The following ZNF12 variants were observed in gnomAD, a reference collection of about 807,000 sequenced individuals.
ZNF12 encodes the protein gonadotropin inducible transcription repressor 3.
In ZNF12, 34 loss-of-function variants were observed where a neutral mutation model predicts 66.6. The ratio of observed to expected loss-of-function variants is 0.51; its 90% confidence interval spans 0.39 to 0.68. ZNF12 has a LOEUF of 0.68. ZNF12 is among the 30% of genes least tolerant of loss of function. The pLI, the probability that ZNF12 is intolerant of heterozygous loss-of-function variation, is 0.00. For synonymous variants in ZNF12, 320 were observed against 278.9 expected (o/e 1.15, Z -1.47); for missense variants, 697 against 826.9 (o/e 0.84, Z 1.93).
intron 4 of ZNF12, among the ~76,000 whole-genome samples, chr7:6,695,123 G>C (rs911546716): frequency 2.0e-5 from 3 of 152,180 alleles, no homozygotes; most frequent in African/African-American, 4.8e-5. Context: ...CACCATATTG[G>C]CCAGGCTGGT....
rs1310984785 is a variant in ZNF12, at chr7:6,697,418, T to G, written c.159A>C (p.Lys53Asn). The change falls in exon 4 of 5, where the codon AAA becomes AAC. Residue 53 changes from lysine to asparagine, a missense_variant. Physicochemically the swap from Lys to Asn is moderately conservative, Grantham distance 94 (BLOSUM62 0). Transcript: ENST00000405858. The surrounding 1 kb of genome is among the most constrained non-coding windows in gnomAD (Gnocchi z 6.1). ...GCTCCAACTTGCTGATAACATCCGGTTTGATAATGTGATACCCTGTTAATG... is the reference window on the plus strand; with the variant it reads ...GCTCCAACTTGCTGATAACATCCGGGTTGATAATGTGATACCCTGTTAATG... ...NLVSVGYHII[K>N]PDVISKLEQG... is the part of the protein sequence containing the mutation. 6.2e-7 allele frequency: 1 copy of G among 1,612,206 alleles called. No individual in the cohort carries two copies. The highest frequency in any genetic ancestry group is 8.5e-7 in the Non-Finnish European group (1 of 1,179,186).
chr7:6,693,167 T>G (rs1263568256), intron 4 of ZNF12, among the ~76,000 whole-genome samples: 1 of 152,212 alleles, frequency 6.6e-6, no homozygotes, highest in East Asian at 1.9e-4. Context: ...CATCACTTCA[T>G]ACCAAGTTGA....
chr7:6,697,704 G>A lies in ZNF12; in HGVS notation c.123C>T (p.Tyr41=), dbSNP rs373887193. 11 of 1,614,180 alleles carry A rather than the reference G, an allele frequency of 6.8e-6. No homozygotes were observed. Among genetic ancestry groups the A allele is most frequent in the Admixed American group, 6.7e-5 (4 of 60,016 alleles). ...ITYRDVMLEN[Y]SNLVSVGYHI... is the part of the protein sequence containing the mutation. ...CCTCACCCACAGAAACTAGATTGCT[G>A]TAGTTCTCCAGCATCACATCCCTGT... The change falls in exon 3 of 5, where the codon TAC becomes TAT. Residue 41 remains tyrosine (Y), a synonymous_variant. Transcript: ENST00000405858. The surrounding 1 kb of genome is among the most constrained non-coding windows in gnomAD (Gnocchi z 6.1).
At chr7:6,701,714 C>A (rs1202075216) in intron 2 of ZNF12, among the ~76,000 whole-genome samples, 1 of 152,064 alleles carries the variant, frequency 6.6e-6, no homozygotes, top group Non-Finnish European at 1.5e-5. Flanking sequence ...TGTCTACCCT[C>A]TTCTCTAACC....
Position 6,698,544 on chromosome 7 carries a change from C to CA in ZNF12, c.16-734dup, listed in dbSNP as rs1176694296. Reference sequence around the variant, plus strand: ...AACCCACAATATTTGACACAATTACCAAAATAACAAACAGGCTGGGCAACA... The same window carrying CA: ...AACCCACAATATTTGACACAATTACCAAAAATAACAAACAGGCTGGGCAACA... On this transcript the variant is annotated intron_variant, in intron 2 of 4. Transcript: ENST00000405858. The surrounding 1 kb of genome is among the most constrained non-coding windows in gnomAD (Gnocchi z 4.4). 6.6e-6 allele frequency among the ~76,000 whole-genome samples: 1 copy of CA among 152,184 alleles called. No homozygotes were observed. Among genetic ancestry groups the CA allele is most frequent in the African/African-American group, 2.4e-5 (1 of 41,446 alleles).
chr7:6,692,498 C>CTTT lies in ZNF12; in HGVS notation c.443_444insAAA (p.Thr148_Ser149insLys). ...CACTACTAATATATTCTGAAACAGA[C>CTTT]GTTAAACACTTTTCACATGAGTCAC... On this transcript the variant is annotated inframe_insertion, in exon 5 of 5. Transcript: ENST00000405858. This position sits in a 1 kb window ranked among gnomAD's most constrained non-coding sequence, Gnocchi z 5.1. The CTTT allele has an allele frequency of 6.2e-7, 1 of 1,613,322 alleles. No homozygotes were observed. The highest frequency in any genetic ancestry group is 8.5e-7 in the Non-Finnish European group (1 of 1,179,710).
chr7:6,700,959 CGTTTGTT>C (rs1780233094), intron 2 of ZNF12: 2 of 126,090 alleles, frequency 1.6e-5, no homozygotes, highest in African/African-American at 2.6e-5. Flanking sequence ...TTCATTTGTT[CGTTTGTT>C]CGTTTGTTCA....
intron 2 of ZNF12, among the ~76,000 whole-genome samples, chr7:6,703,426 A>G (rs145060067): frequency 6.6e-6 from 1 of 152,344 alleles, no homozygotes; most frequent in East Asian, 1.9e-4. Context: ...GATAAAAACC[A>G]TCTAGAATAT....
chr7:6,698,086 CG>C lies in ZNF12; in HGVS notation c.16-276del. On this transcript the variant is annotated intron_variant, in intron 2 of 4. Transcript: ENST00000405858. The surrounding 1 kb of genome is among the most constrained non-coding windows in gnomAD (Gnocchi z 4.4). ...TGGGAACTCTTAACACCAGCAGGGA[CG>C]AATCTCACCCCTGAGGAGCACAGGC... 1 of 631,382 alleles carries C rather than the reference CG, an allele frequency of 1.6e-6. No individual in the cohort carries two copies. The highest frequency in any genetic ancestry group is 3.0e-6 in the Non-Finnish European group (1 of 335,784). The allele number at this position is 631,382 out of a possible 1,614,324, so 39.1% of individuals were successfully genotyped here.
chr7:6,697,316 C>A lies in ZNF12; in HGVS notation c.238+23G>T. ...AAAAACACTCCCAAGTTACCGATCT[C>A]CTCACTGCCTCCACTAACACACCTG... On this transcript the variant is annotated intron_variant, in intron 4 of 4. Transcript: ENST00000405858. This position sits in a 1 kb window ranked among gnomAD's most constrained non-coding sequence, Gnocchi z 6.1. The A allele has an allele frequency of 6.3e-7, 1 of 1,575,008 alleles. No individual in the cohort carries two copies. The highest frequency in any genetic ancestry group is 1.3e-5 in the African/African-American group (1 of 74,312).
rs925419026 is a variant in ZNF12, at chr7:6,690,793, G to C, written c.*55C>G. The C allele has an allele frequency of 7.4e-6, 11 of 1,488,264 alleles. No individual in the cohort carries two copies. In the African/African-American group the frequency reaches 1.4e-4, roughly 19 times the overall value. 92.2% of individuals were successfully genotyped at this position (1,488,264 alleles called of 1,614,324 possible). A position where few individuals can be genotyped will look rare whatever the true frequency, so the allele number is the denominator to read the frequency against. ...GTACAAGGTGTTTGACTTCAGGCAG[G>C]AGTTTCTGATTCACTATACTGAAAG... On this transcript the variant is annotated 3_prime_UTR_variant, in exon 5 of 5. Coordinates refer to ENST00000405858, the MANE Select transcript of ZNF12 (RefSeq NM_016265.4).
intron 2 of ZNF12, among the ~76,000 whole-genome samples, chr7:6,703,179 C>T (rs1412251024): frequency 6.6e-6 from 1 of 152,182 alleles, no homozygotes; most frequent in Non-Finnish European, 1.5e-5. Context: ...ACAGTCTTCC[C>T]CATCCCAGCT....
Position 6,697,632 on chromosome 7 carries a change from A to G in ZNF12, c.142+53T>C. The G allele has an allele frequency of 6.2e-7, 1 of 1,608,070 alleles. No individual in the cohort carries two copies. The highest frequency in any genetic ancestry group is 1.1e-5 in the South Asian group (1 of 90,192). ...TCAAATTTTAAGTTAAAGTCATAAA[A>G]TTTGTGAGAAATCCCATATATTTTA... On this transcript the variant is annotated intron_variant, in intron 3 of 4. Transcript: ENST00000405858. The surrounding 1 kb of genome is among the most constrained non-coding windows in gnomAD (Gnocchi z 6.1).
intron 2 of ZNF12, among the ~76,000 whole-genome samples, chr7:6,703,019 A>T (rs1780281446): frequency 6.8e-6 from 1 of 146,486 alleles, no homozygotes; most frequent in South Asian, 2.2e-4. Context: ...ATACTAACAC[A>T]GCTAACACAG....
chr7:6,691,636 G>T lies in ZNF12; in HGVS notation c.1306C>A (p.Pro436Thr). Residue 436 changes from proline to threonine, a missense_variant, in exon 5 of 5, where the codon CCG becomes ACG. Pro to Thr is a conservative substitution (Grantham distance 38, BLOSUM62 -1). Transcript: ENST00000405858. ...THLRTHTGEK[P>T]YECNECGKFF... ...TTTCCACACTCATTACATTCATACG[G>T]TTTCTCTCCTGTGTGGGTCCTCAGG... 1 of 1,613,928 alleles carries T rather than the reference G, an allele frequency of 6.2e-7. No homozygotes were observed. The highest frequency in any genetic ancestry group is 2.2e-5 in the East Asian group (1 of 44,862).
At chr7:6,700,362 A>T (rs1217000674) in intron 2 of ZNF12, among the ~76,000 whole-genome samples, 1 of 148,792 alleles carries the variant, frequency 6.7e-6, no homozygotes, top group Non-Finnish European at 1.5e-5. Context: ...TGCCAGGGAC[A>T]CGATCTTGAC....
chr7:6,705,422 G>C lies in ZNF12; in HGVS notation c.-50-199C>G, dbSNP rs1358897855. 6.6e-6 allele frequency among the ~76,000 whole-genome samples: 1 copy of C among 152,236 alleles called. No individual in the cohort carries two copies. The highest frequency in any genetic ancestry group is 1.5e-5 in the Non-Finnish European group (1 of 68,046). On this transcript the variant is annotated intron_variant, in intron 1 of 4. Coordinates refer to ENST00000405858, the MANE Select transcript of ZNF12 (RefSeq NM_016265.4). This position sits in a 1 kb window ranked among gnomAD's most constrained non-coding sequence, Gnocchi z 4.0. ...TTTGAAACTCACACATGGCTACCTT[G>C]TGACTGAGTGGATGAGATTCTCATG...
intron 1 of ZNF12, 77 bp downstream of exon 1, chr7:6,706,355 C>A: frequency 2.2e-6 from 1 of 454,236 alleles, no homozygotes; most frequent in Non-Finnish European, 4.4e-6. Flanking sequence ...TTCCACTGTC[C>A]CTCACTCTAA....
chr7:6,697,591 A>G lies in ZNF12; in HGVS notation c.142+94T>C, dbSNP rs1477649706. On this transcript the variant is annotated intron_variant, in intron 3 of 4. Coordinates refer to ENST00000405858, the MANE Select transcript of ZNF12 (RefSeq NM_016265.4). The surrounding 1 kb of genome is among the most constrained non-coding windows in gnomAD (Gnocchi z 6.1). ...CCTGCCTGGTGCCCAAAAACAGATT[A>G]CTCACATTCGTCCCATCAAATTTTA... The G allele has an allele frequency of 5.1e-6, 8 of 1,572,050 alleles. No homozygotes were observed. The highest frequency in any genetic ancestry group is 6.9e-6 in the Non-Finnish European group (8 of 1,152,446).
Sources: gnomAD v4.1 joint callset for allele counts (sites outside exome capture counted in the v4.1 genomes callset) on GRCh38, gnomAD v4.1.1 for gene constraint, Gnocchi (gnomAD v3.1) non-coding constraint, MANE v1.5 for transcripts, NCBI Gene and HGNC (gene_info 2026-07-23, HGNC 2026-07-21) for gene names.